Variants in LCORL observed in about 807,000 individuals in gnomAD.
The protein encoded by LCORL is ligand-dependent nuclear receptor corepressor-like protein.
A neutral mutation model predicts 141.8 loss-of-function variants in LCORL; 41 were observed. That is an observed-to-expected ratio of 0.29 (90% CI 0.23 to 0.38). LCORL has a LOEUF of 0.38. LCORL is among the 10% of genes least tolerant of loss of function. The probability of loss-of-function intolerance (pLI) is 1.00; values close to 1 mark genes in which losing one functional copy is unlikely to be tolerated. For missense variants in LCORL, 1,759 were observed against 2,035.0 expected (o/e 0.86, Z 2.61); for synonymous variants, 618 against 694.1 (o/e 0.89, Z 1.72).
chr4:17,912,407 A>G, intron 4 of LCORL: 1 of 623,708 alleles, frequency 1.6e-6, no homozygotes, highest in Non-Finnish European at 3.1e-6. Flanking sequence ...GCGGAGGTAG[A>G]TGCCACTAAA....
intron 5 of LCORL, among the ~76,000 whole-genome samples, chr4:17,906,967 C>T (rs1390235122): frequency 6.6e-6 from 1 of 152,204 alleles, no homozygotes; most frequent in Non-Finnish European, 1.5e-5. Context: ...CAGGTGTGAG[C>T]CACCATGCCC....
intron 6 of LCORL, chr4:17,881,480 A>G: frequency 1.2e-6 from 1 of 864,082 alleles, no homozygotes; most frequent in Non-Finnish European, 1.4e-6. Flanking sequence ...AAATATTTTA[A>G]TTTACTATTT....
intron 4 of LCORL, among the ~76,000 whole-genome samples, chr4:17,949,410 G>A (rs565658707): frequency 6.6e-6 from 1 of 152,074 alleles, no homozygotes. Context: ...GTCCTTGACT[G>A]TAGTTCCTCT....
chr4:17,865,523 G>GA (rs1221572091), intron 7 of LCORL, among the ~76,000 whole-genome samples: 23 of 151,988 alleles, frequency 1.5e-4, no homozygotes, highest in South Asian at 4.2e-4. Context: ...ATGGGCTAAA[G>GA]AAAAAATCAC....
intron 1 of LCORL, among the ~76,000 whole-genome samples, chr4:18,010,553 G>T (rs1042064714): frequency 6.6e-6 from 1 of 151,984 alleles, no homozygotes; most frequent in African/African-American, 2.4e-5. Flanking sequence ...GGGTTCAAGC[G>T]ATTCTCCTGC....
chr4:17,972,959 T>C lies in LCORL; in HGVS notation c.155-74A>G, dbSNP rs1315289851. The C allele has an allele frequency of 4.8e-6, 3 of 623,074 alleles. No individual in the cohort carries two copies. The African/African-American group carries it at 5.8e-5, about 12-fold the overall frequency. The allele number at this position is 623,074 out of a possible 1,614,324, so 38.6% of individuals were successfully genotyped here. On this transcript the variant is annotated intron_variant, in intron 1 of 7. Coordinates refer to ENST00000635767, the Ensembl canonical transcript of LCORL. The stretch of plus-strand genomic sequence containing the variant: ...TTTTACAATTTAAAGTCATAAACTC[T>C]GTATCAATCAGCAAATTAATTTAAC...
chr4:17,887,461 A>G (rs1171658224), intron 5 of LCORL, among the ~76,000 whole-genome samples: 1 of 152,154 alleles, frequency 6.6e-6, no homozygotes, highest in African/African-American at 2.4e-5. Context: ...GCCCTGAATA[A>G]GGTGAGGATC....
In LCORL at chr4:17,893,638, C is replaced by G. The variant is rs930351784; in HGVS notation, c.683-7477G>C. The G allele has an allele frequency of 5.1e-6, 5 of 976,830 alleles. No homozygotes were observed. The African/African-American group carries it at 8.8e-5, about 17-fold the overall frequency. The allele number at this position is 976,830 out of a possible 1,614,324, so 60.5% of individuals were successfully genotyped here. ...TTTTCTTCATTTTCTTATTTGTTTT[C>G]TAGTTTTGCTACAGTAGGTAAAGCT... On this transcript the variant is annotated intron_variant, in intron 5 of 7. Transcript: ENST00000635767.
intron 1 of LCORL, among the ~76,000 whole-genome samples, chr4:17,982,799 T>C (rs764974695): frequency 6.6e-6 from 1 of 152,234 alleles, no homozygotes; most frequent in South Asian, 2.1e-4. Context: ...TTTGTTTTCA[T>C]TGCAATTACT....
chr4:17,985,994 G>C (rs1718898391), intron 1 of LCORL, among the ~76,000 whole-genome samples: 1 of 152,102 alleles, frequency 6.6e-6, no homozygotes, highest in South Asian at 2.1e-4. Context: ...ATTTAAAAAG[G>C]ATCTTATTTC....
chr4:17,875,717 C>T, exon 7 of LCORL: 1 of 1,231,282 alleles, frequency 8.1e-7, no homozygotes, highest in Non-Finnish European at 1.0e-6. Flanking sequence ...GTCGCTTAAT[C>T]TGTTTCACAA....
chr4:17,948,692 C>T (rs1361375280), intron 4 of LCORL, among the ~76,000 whole-genome samples: 1 of 151,688 alleles, frequency 6.6e-6, no homozygotes, highest in Admixed American at 6.6e-5. Flanking sequence ...AGAATTGAGC[C>T]TTAAGAGAAT....
chr4:17,884,140 T>G lies in LCORL; in HGVS notation c.776+1928A>C, dbSNP rs1358310835. On this transcript the variant is annotated intron_variant, in intron 6 of 7. Transcript: ENST00000635767. This position sits in a 1 kb window ranked among gnomAD's most constrained non-coding sequence, Gnocchi z 4.4. ...GAGTTACAGGCCCAGAACATTCTAT[T>G]TTGTTCTGTTTAGGGAGTATATTTT... The G allele has an allele frequency of 6.4e-7, 1 of 1,550,558 alleles. No homozygotes were observed. The highest frequency in any genetic ancestry group is 2.4e-5 in the East Asian group (1 of 40,898).
chr4:17,896,868 C>T (rs1017769522), intron 5 of LCORL, among the ~76,000 whole-genome samples: 12 of 151,924 alleles, frequency 7.9e-5, no homozygotes, highest in African/African-American at 2.9e-4. Context: ...CTCCTTACCC[C>T]ACCCCCCACT....
At chr4:17,933,203 T>C (rs1290169296) in intron 4 of LCORL, among the ~76,000 whole-genome samples, 1 of 152,100 alleles carries the variant, frequency 6.6e-6, no homozygotes, top group Non-Finnish European at 1.5e-5. Flanking sequence ...GTTTCAAATA[T>C]ATTTCTGGAA....
chr4:17,899,441 C>A (rs1411201871), intron 5 of LCORL, among the ~76,000 whole-genome samples: 1 of 152,048 alleles, frequency 6.6e-6, no homozygotes, highest in Non-Finnish European at 1.5e-5. Context: ...GTGGGCTTGG[C>A]AAGTGTCAGA....
At chr4:17,897,213 C>CCTTTTTTTTT (rs1553863446) in intron 5 of LCORL, among the ~76,000 whole-genome samples, 748 of 63,986 alleles carry the variant, frequency 0.012, 359 homozygotes, top group Middle Eastern at 0.088. Context: ...ATACTGATTT[C>CCTTTTTTTTT]TTTTTTTTTT....
At chr4:17,845,506 G>A in exon 8 of LCORL, 1 of 401,852 alleles carries the variant, frequency 2.5e-6, no homozygotes. Context: ...CACTAAAAGA[G>A]AAACATCAAA....
At chr4:17,986,871 C>T (rs939804518) in intron 1 of LCORL, among the ~76,000 whole-genome samples, 2 of 152,126 alleles carry the variant, frequency 1.3e-5, no homozygotes, top group Non-Finnish European at 2.9e-5. Flanking sequence ...TCATAAATTA[C>T]AAACATTCCC....
Sources: allele counts gnomAD v4.1 joint callset (sites outside exome capture counted in the v4.1 genomes callset), GRCh38; gene constraint gnomAD v4.1.1; non-coding constraint Gnocchi (gnomAD v3.1); transcripts MANE v1.5; gene names NCBI Gene and HGNC (gene_info 2026-07-23, HGNC 2026-07-21).